Variants in STX8 observed in about 807,000 individuals in gnomAD.
STX8 encodes the protein syntaxin-8.
STX8 carries 23 observed loss-of-function variants against 37.5 expected under a neutral mutation model. The observed-to-expected ratio is 0.61, with a 90% CI of 0.44 to 0.87. STX8 has a LOEUF of 0.87. Ranked by LOEUF, STX8 falls within the 40% of genes least tolerant of loss-of-function variation. The pLI is 0.00. For missense variants in STX8, 313 were observed against 284.7 expected (o/e 1.10, Z -0.71); for synonymous variants, 115 against 99.1 (o/e 1.16, Z -0.95).
At chr17:9,305,878 G>A (rs572648331) in intron 7 of STX8, among the ~76,000 whole-genome samples, 128 of 150,934 alleles carry the variant, frequency 8.5e-4, no homozygotes, top group African/African-American at 3.0e-3. Context: ...CTGAGTAGCT[G>A]AGATTACAGA....
chr17:9,514,243 A>G (rs1206373662), intron 4 of STX8, among the ~76,000 whole-genome samples: 1 of 152,238 alleles, frequency 6.6e-6, no homozygotes, highest in Non-Finnish European at 1.5e-5. Context: ...CTGGCTCATT[A>G]TATATTACAT....
chr17:9,472,479 C>G (rs969566201), intron 6 of STX8, among the ~76,000 whole-genome samples: 1 of 152,208 alleles, frequency 6.6e-6, no homozygotes, highest in African/African-American at 2.4e-5. Context: ...ACCAAGATTC[C>G]CCTTCCTGCA....
At chr17:9,266,570 A>G (rs967129344) in intron 7 of STX8, among the ~76,000 whole-genome samples, 71 of 152,242 alleles carry the variant, frequency 4.7e-4, no homozygotes, top group African/African-American at 1.6e-3. Flanking sequence ...TAGTAGACAC[A>G]CGATGTCACC....
intron 7 of STX8, among the ~76,000 whole-genome samples, chr17:9,307,167 C>T (rs1254050586): frequency 2.6e-5 from 4 of 152,070 alleles, no homozygotes; most frequent in African/African-American, 4.8e-5. Flanking sequence ...TAAAATGACT[C>T]GTTTACCAAG....
At chr17:9,365,639 A>G (rs993952827) in intron 7 of STX8, among the ~76,000 whole-genome samples, 2 of 152,256 alleles carry the variant, frequency 1.3e-5, no homozygotes, top group Admixed American at 1.3e-4. Context: ...AAAGTTATCA[A>G]GGAAAAGAGA....
At chr17:9,274,985 A>G (rs950063172) in intron 7 of STX8, among the ~76,000 whole-genome samples, 2 of 151,878 alleles carry the variant, frequency 1.3e-5, no homozygotes, top group African/African-American at 4.8e-5. Flanking sequence ...TCCTGACCTC[A>G]AGTAATCCGC....
intron 6 of STX8, among the ~76,000 whole-genome samples, chr17:9,407,531 C>T (rs888268318): frequency 1.3e-5 from 2 of 152,210 alleles, no homozygotes; most frequent in African/African-American, 4.8e-5. Flanking sequence ...TGTCACAGCC[C>T]TCAGGAGATC....
intron 1 of STX8, among the ~76,000 whole-genome samples, chr17:9,571,154 T>C (rs1011008812): frequency 6.6e-6 from 1 of 152,284 alleles, no homozygotes; most frequent in Admixed American, 6.5e-5. Flanking sequence ...AAAGAGGTTA[T>C]GAGAAATGCA....
intron 7 of STX8, among the ~76,000 whole-genome samples, chr17:9,257,341 T>G (rs1229268026): frequency 6.6e-6 from 1 of 152,050 alleles, no homozygotes; most frequent in Non-Finnish European, 1.5e-5. Context: ...TCATCTGGAG[T>G]CATGGTCCAT....
At position 9,347,020 on chromosome 17, in the gene STX8, G is replaced by A. The variant is rs1039048107; in HGVS notation, c.643+31532C>T. On this transcript the variant is annotated intron_variant, in intron 7 of 7. Transcript: ENST00000306357. ...TGGGTGCCTCTAATCCCAGTTACTC[G>A]GGAGGCTGAGGCAGGAGAATCGCTT... 4.6e-5 allele frequency among the ~76,000 whole-genome samples: 7 copies of A among 152,108 alleles called. No individual in the cohort carries two copies. In the South Asian group the frequency reaches 6.2e-4, roughly 14 times the overall value.
At chr17:9,282,182 G>C (rs1445058257) in intron 7 of STX8, among the ~76,000 whole-genome samples, 1 of 152,188 alleles carries the variant, frequency 6.6e-6, no homozygotes, top group African/African-American at 2.4e-5. Flanking sequence ...ACCCAGGCTG[G>C]AGTGCAGTGG....
At chr17:9,400,747 G>T (rs952829893) in intron 6 of STX8, among the ~76,000 whole-genome samples, 13 of 152,120 alleles carry the variant, frequency 8.5e-5, no homozygotes, top group African/African-American at 3.1e-4. Flanking sequence ...GTAAAACTAT[G>T]TTATTTCAAT....
intron 6 of STX8, among the ~76,000 whole-genome samples, chr17:9,425,262 A>T (rs1913584926): frequency 6.6e-6 from 1 of 152,190 alleles, no homozygotes; most frequent in Non-Finnish European, 1.5e-5. Flanking sequence ...GTCATCGTTC[A>T]ACAAAATCTC....
chr17:9,404,849 T>A (rs1912751963), intron 6 of STX8, among the ~76,000 whole-genome samples: 1 of 152,234 alleles, frequency 6.6e-6, no homozygotes, highest in Non-Finnish European at 1.5e-5. Context: ...TTCCTCGTTG[T>A]CTGGCACTGG....
intron 7 of STX8, among the ~76,000 whole-genome samples, chr17:9,295,371 G>A (rs546084786): frequency 6.6e-6 from 1 of 152,108 alleles, no homozygotes; most frequent in African/African-American, 2.4e-5. Context: ...TATAGTCCTG[G>A]TCCCTAGCAT....
In STX8 at chr17:9,545,252, G is replaced by C; in HGVS notation, c.243C>G (p.Asn81Lys). Residue 81 changes from asparagine to lysine, a missense_variant, in exon 4 of 8, where the codon AAC becomes AAG. By Grantham distance (94) the Asn-to-Lys change is moderately conservative. Coordinates refer to ENST00000306357, the MANE Select transcript of STX8 (RefSeq NM_004853.3). ...CTCGAGTTACAAGATCATCCAAGAG[G>C]TTCTGTCTTCGGTCCCCTTCAAGCT... Reference protein sequence around the residue: ...ITQLEGDRRQNLLDDLVTRER... With the variant: ...ITQLEGDRRQKLLDDLVTRER... 6.2e-7 allele frequency: 1 copy of C among 1,614,080 alleles called. No individual in the cohort carries two copies. The highest frequency in any genetic ancestry group is 8.5e-7 in the Non-Finnish European group (1 of 1,179,992).
At chr17:9,382,939 T>C (rs938356318) in intron 6 of STX8, among the ~76,000 whole-genome samples, 2 of 152,284 alleles carry the variant, frequency 1.3e-5, no homozygotes, top group African/African-American at 4.8e-5. Flanking sequence ...GTGATGACAT[T>C]TGGATGTGGG....
At chr17:9,306,950 C>T (rs907835140) in intron 7 of STX8, among the ~76,000 whole-genome samples, 1 of 150,138 alleles carries the variant, frequency 6.7e-6, no homozygotes, top group African/African-American at 2.5e-5. Flanking sequence ...ATGGTGAAAC[C>T]CCATCTCTAC....
chr17:9,305,707 T>C (rs998984445), intron 7 of STX8: 6 of 146,968 alleles, frequency 4.1e-5, no homozygotes, highest in Admixed American at 3.4e-4. Flanking sequence ...AGATTACAGG[T>C]GCCCTATACA....
Sources: allele counts gnomAD v4.1 joint callset (sites outside exome capture counted in the v4.1 genomes callset), GRCh38; gene constraint gnomAD v4.1.1; transcripts MANE v1.5; gene names NCBI Gene and HGNC (gene_info 2026-07-23, HGNC 2026-07-21).